BMP8A: variants seen among roughly 807,000 people sequenced by gnomAD.
BMP8A encodes BMP-8A.
In BMP8A, 14 loss-of-function variants were observed where a neutral mutation model predicts 36.8. The ratio of observed to expected loss-of-function variants is 0.38; its 90% confidence interval spans 0.25 to 0.60. The LOEUF is 0.60. BMP8A is among the 20% of genes least tolerant of loss of function. The pLI is 0.63. For missense variants in BMP8A, 267 were observed against 551.1 expected (o/e 0.48, Z 5.16); for synonymous variants, 120 against 237.7 (o/e 0.50, Z 4.55).
intron 1 of BMP8A, among the ~76,000 whole-genome samples, chr1:39,506,872 A>G (rs562921308): frequency 1.6e-4 from 24 of 152,320 alleles, no homozygotes; most frequent in African/African-American, 5.8e-4. Flanking sequence ...TGACTTCTGC[A>G]CCATTAGTAC....
At chr1:39,525,568 G>A (rs1203980241) in intron 6 of BMP8A, 81 bp from the exon 7 acceptor site, 1 of 1,547,170 alleles carries the variant, frequency 6.5e-7, no homozygotes, top group East Asian at 2.3e-5. Flanking sequence ...CAGGGAGCAG[G>A]TGGAGCTGGG....
Position 39,525,978 on chromosome 1 carries a change from T to G in BMP8A, c.*180T>G, listed in dbSNP as rs960902179. 14 of 1,106,518 alleles carry G rather than the reference T, an allele frequency of 1.3e-5. No individual in the cohort carries two copies. The highest frequency in any genetic ancestry group is 1.8e-5 in the Non-Finnish European group (14 of 794,238). 68.5% of individuals were successfully genotyped at this position (1,106,518 alleles called of 1,614,324 possible). A position where few individuals can be genotyped will look rare whatever the true frequency, so the allele number is the denominator to read the frequency against. On this transcript the variant is annotated 3_prime_UTR_variant, in exon 7 of 7. Coordinates refer to ENST00000331593, the MANE Select transcript of BMP8A (RefSeq NM_181809.4). ...GTACCTCTGTGCCCCTCCCCTGGGG[T>G]TTGTGGCTGTCACTCTGCCCGACAC...
At chr1:39,507,889 G>A (rs1368048375) in intron 1 of BMP8A, among the ~76,000 whole-genome samples, 1 of 152,190 alleles carries the variant, frequency 6.6e-6, no homozygotes, top group Non-Finnish European at 1.5e-5. Flanking sequence ...ACAAAGATCA[G>A]GCAGGTGAAA....
chr1:39,525,893 G>A lies in BMP8A; in HGVS notation c.*95G>A. ...TTAAATGCTGTCACAGCTCAAGCAG[G>A]AGTGTCAGGGGCCCTCACTCTCGGT... On this transcript the variant is annotated 3_prime_UTR_variant, in exon 7 of 7. Transcript: ENST00000331593. 2 of 1,566,320 alleles carry A rather than the reference G, an allele frequency of 1.3e-6. No individual in the cohort carries two copies. The highest frequency in any genetic ancestry group is 1.7e-6 in the Non-Finnish European group (2 of 1,156,880).
At chr1:39,506,767 CTGTT>C (rs1645305214) in intron 1 of BMP8A, among the ~76,000 whole-genome samples, 1 of 152,096 alleles carries the variant, frequency 6.6e-6, no homozygotes, top group Admixed American at 6.5e-5. Flanking sequence ...GTTAACTTTC[CTGTT>C]TGTTATCTGA....
intron 1 of BMP8A, among the ~76,000 whole-genome samples, chr1:39,500,815 G>C (rs1284653200): frequency 6.6e-6 from 1 of 151,978 alleles, no homozygotes; most frequent in Non-Finnish European, 1.5e-5. Context: ...ACCACACCTG[G>C]CTAATTTTTT....
At chr1:39,495,039 T>G (rs1645193344) in intron 1 of BMP8A, among the ~76,000 whole-genome samples, 1 of 151,920 alleles carries the variant, frequency 6.6e-6, no homozygotes, top group Admixed American at 6.6e-5. Flanking sequence ...GGGGGGTGGA[T>G]AGACACGTAC....
In BMP8A at chr1:39,523,476, C is replaced by A. The variant is rs1450796064; in HGVS notation, c.1059+359C>A. The A allele has an allele frequency of 3.1e-6, 4 of 1,289,684 alleles. No homozygotes were observed. In the East Asian group the frequency reaches 8.6e-5, roughly 28 times the overall value. 79.9% of individuals were successfully genotyped at this position (1,289,684 alleles called of 1,614,324 possible). A position where few individuals can be genotyped will look rare whatever the true frequency, so the allele number is the denominator to read the frequency against. On this transcript the variant is annotated intron_variant, in intron 6 of 6. Coordinates refer to ENST00000331593, the MANE Select transcript of BMP8A (RefSeq NM_181809.4). The stretch of plus-strand genomic sequence containing the variant: ...CTGTGTGGGGGCTGTGTGATCTTAA[C>A]ACACGGGCCCCCGAGTACGCTGGCA...
At chr1:39,499,832 G>A (rs1365781092) in intron 1 of BMP8A, among the ~76,000 whole-genome samples, 1 of 152,248 alleles carries the variant, frequency 6.6e-6, no homozygotes, top group Non-Finnish European at 1.5e-5. Flanking sequence ...CCCAGCTGGT[G>A]TGTCTCACTG....
Position 39,522,501 on chromosome 1 carries a change from T to C in BMP8A, c.948+19T>C, listed in dbSNP as rs748435654. 18 of 1,613,404 alleles carry C rather than the reference T, an allele frequency of 1.1e-5. No individual in the cohort carries two copies. In the Admixed American group the frequency reaches 2.2e-4, roughly 19 times the overall value. ...CTGGCTGGTAATTGCTGACTCTCCT[T>C]GTTTCTGAAATGACAATCACCACCT... On this transcript the variant is annotated intron_variant, in intron 5 of 6. Coordinates refer to ENST00000331593, the MANE Select transcript of BMP8A (RefSeq NM_181809.4).
rs142745154 is a variant in BMP8A, at chr1:39,500,191, C to T, written c.334+7866C>T. 5.9e-5 allele frequency among the ~76,000 whole-genome samples: 9 copies of T among 152,350 alleles called. No homozygotes were observed. In the East Asian group the frequency reaches 1.7e-3, roughly 29 times the overall value. On this transcript the variant is annotated intron_variant, in intron 1 of 6. Coordinates refer to ENST00000331593, the MANE Select transcript of BMP8A (RefSeq NM_181809.4). ...TTCCCTCTGCCTAGAAGGCTGTCCA[C>T]ATCTTCACACAACTGGTTCCTTCTC... is the stretch of plus-strand genomic sequence containing the variant.
intron 6 of BMP8A, chr1:39,525,008 T>C (rs57174173): frequency 0.015 from 2,332 of 152,858 alleles, 63 homozygotes; most frequent in African/African-American, 0.053. Flanking sequence ...CACTGAGGCC[T>C]CATTAGACCC....
At chr1:39,494,304 TTTC>T (rs1645186203) in intron 1 of BMP8A, among the ~76,000 whole-genome samples, 1 of 152,138 alleles carries the variant, frequency 6.6e-6, no homozygotes, top group Non-Finnish European at 1.5e-5. Flanking sequence ...AACTTTTTCT[TTTC>T]TTTTCTTTTC....
intron 1 of BMP8A, among the ~76,000 whole-genome samples, 173 bp downstream of exon 1, chr1:39,492,498 C>T (rs1443110815): frequency 6.6e-6 from 1 of 152,174 alleles, no homozygotes; most frequent in Non-Finnish European, 1.5e-5. Context: ...CATGGGGGCC[C>T]CCTGGGCTGC....
chr1:39,493,288 C>T (rs1470037278), intron 1 of BMP8A, among the ~76,000 whole-genome samples: 1 of 152,230 alleles, frequency 6.6e-6, no homozygotes, highest in Non-Finnish European at 1.5e-5. Flanking sequence ...AATTCTTCAT[C>T]CTCCCGACAA....
At chr1:39,523,174 G>T in intron 6 of BMP8A, 57 bp downstream of exon 6, 1 of 1,588,528 alleles carries the variant, frequency 6.3e-7, no homozygotes, top group Non-Finnish European at 8.6e-7. Context: ...TGCAGAGAGG[G>T]GTCTGGTCCA....
chr1:39,523,601 G>A, intron 6 of BMP8A: 2 of 1,428,858 alleles, frequency 1.4e-6, no homozygotes, highest in South Asian at 1.5e-5. Context: ...AGATGGTGTG[G>A]CTCTCAACCT....
intron 1 of BMP8A, among the ~76,000 whole-genome samples, chr1:39,509,154 G>A (rs559392318): frequency 1.1e-3 from 170 of 152,326 alleles, no homozygotes; most frequent in African/African-American, 3.7e-3. Context: ...GCCCTGCTGT[G>A]CCCTGGGGCA....
chr1:39,509,598 C>A (rs2124351895), intron 1 of BMP8A, among the ~76,000 whole-genome samples: 1 of 152,246 alleles, frequency 6.6e-6, no homozygotes, highest in Non-Finnish European at 1.5e-5. Flanking sequence ...TCCTCCTGCC[C>A]ACACACGTCT....
Sources: gnomAD v4.1 joint callset for allele counts (sites outside exome capture counted in the v4.1 genomes callset) on GRCh38, gnomAD v4.1.1 for gene constraint, MANE v1.5 for transcripts, NCBI Gene and HGNC (gene_info 2026-07-23, HGNC 2026-07-21) for gene names.